Variants in SYT17 observed in about 807,000 individuals in gnomAD.
The protein encoded by SYT17 is synaptotagmin-17.
SYT17 carries 22 observed loss-of-function variants against 46.7 expected under a neutral mutation model. The ratio of observed to expected loss-of-function variants is 0.47; its 90% CI spans 0.34 to 0.67. The LOEUF (loss-of-function observed/expected upper bound fraction) is 0.67, where lower values mean the gene tolerates loss of function less well. Among genes scored for constraint, SYT17 ranks in the 30% least tolerant of loss-of-function variants. The probability of loss-of-function intolerance (pLI) is 0.01; values close to 1 mark genes in which losing one functional copy is unlikely to be tolerated. For synonymous variants in SYT17, 251 were observed against 248.4 expected (o/e 1.01, Z -0.10); for missense variants, 519 against 612.8 (o/e 0.85, Z 1.62).
chr16:19,211,878 A>C (rs899083096), intron 5 of SYT17, among the ~76,000 whole-genome samples: 3 of 152,044 alleles, frequency 2.0e-5, no homozygotes, highest in Non-Finnish European at 4.4e-5. Flanking sequence ...CGCCCGCCTC[A>C]GCCTCCCAAA....
At chr16:19,232,929 G>C (rs762553351) in intron 7 of SYT17, among the ~76,000 whole-genome samples, 63 of 152,272 alleles carry the variant, frequency 4.1e-4, no homozygotes, top group Non-Finnish European at 8.1e-4. Context: ...CTGTACGTTA[G>C]TATTACTCAG....
intron 5 of SYT17, among the ~76,000 whole-genome samples, chr16:19,185,494 G>A (rs1964749147): frequency 6.6e-6 from 1 of 152,152 alleles, no homozygotes; most frequent in Admixed American, 6.5e-5. Flanking sequence ...GGAGGCTGAG[G>A]CAGGAGGATC....
At chr16:19,182,940 T>C (rs1964616471) in intron 4 of SYT17, among the ~76,000 whole-genome samples, 1 of 152,212 alleles carries the variant, frequency 6.6e-6, no homozygotes, top group Non-Finnish European at 1.5e-5. Flanking sequence ...TTGACTCTAT[T>C]TTACTGATGG....
At chr16:19,232,291 GTC>G (rs961699606) in intron 7 of SYT17, among the ~76,000 whole-genome samples, 2 of 152,172 alleles carry the variant, frequency 1.3e-5, no homozygotes, top group African/African-American at 4.8e-5. Context: ...AACCCTTGGT[GTC>G]TCTCTAAGAC....
intron 5 of SYT17, among the ~76,000 whole-genome samples, chr16:19,189,362 A>G (rs1222387218): frequency 8.2e-5 from 11 of 134,810 alleles, no homozygotes; most frequent in African/African-American, 3.2e-4. Flanking sequence ...TTTTTCTGAG[A>G]CAGGGTCTTG....
chr16:19,229,647 T>A (rs1966611963), intron 7 of SYT17, among the ~76,000 whole-genome samples: 1 of 152,208 alleles, frequency 6.6e-6, no homozygotes, highest in Admixed American at 6.5e-5. Flanking sequence ...TGCAGCTTGA[T>A]GGCAAATCTT....
intron 7 of SYT17, among the ~76,000 whole-genome samples, chr16:19,245,701 A>G (rs1266078495): frequency 6.6e-6 from 1 of 152,148 alleles, no homozygotes. Flanking sequence ...ACGTAGGCAA[A>G]CAGAAATACC....
chr16:19,180,575 G>T, intron 4 of SYT17, 36 bp downstream of exon 4: 2 of 1,611,196 alleles, frequency 1.2e-6, no homozygotes, highest in Non-Finnish European at 1.7e-6. Flanking sequence ...GGGGGCCCTG[G>T]CTGGCTTTCC....
At chr16:19,220,303 C>CTTTTTTTTTTTT (rs1555459738) in intron 5 of SYT17, among the ~76,000 whole-genome samples, 76 of 80,494 alleles carry the variant, frequency 9.4e-4, no homozygotes, top group African/African-American at 2.0e-3. Context: ...TTCTTTCTTT[C>CTTTTTTTTTTTT]TTTTTTTTTT....
intron 7 of SYT17, among the ~76,000 whole-genome samples, chr16:19,231,038 C>G (rs1282542677): frequency 1.3e-5 from 2 of 152,160 alleles, no homozygotes; most frequent in Admixed American, 1.3e-4. Context: ...TACATAGAGT[C>G]TGAGATTCTG....
rs568046219 is a variant in SYT17 at position 19,208,778 on chromosome 16, G to A, written c.952-14267G>A. On this transcript the variant is annotated intron_variant, in intron 5 of 7. Transcript: ENST00000355377. The stretch of plus-strand genomic sequence containing the variant: ...CATCTTCACGTGGTATTCTCCCTGT[G>A]TGCATGTCTAAATGTCCTCTTTTCA... Among the ~76,000 whole-genome samples, 6 of 150,756 alleles carry A rather than the reference G, an allele frequency of 4.0e-5. No homozygotes were observed. In the South Asian group the frequency reaches 1.3e-3, roughly 32 times the overall value.
In SYT17 at chr16:19,183,935, G is replaced by A; in HGVS notation, c.739G>A (p.Val247Ile). The part of the protein sequence containing the change: ...PDQKNSKQTG[V>I]KRKTQKPVFE... ...CCAGAAGAACTCAAAGCAGACCGGGGTCAAACGCAAGACCCAGAAGCCCGT... is the reference window on the plus strand; with the variant it reads ...CCAGAAGAACTCAAAGCAGACCGGGATCAAACGCAAGACCCAGAAGCCCGT... Residue 247 changes from valine (V) to isoleucine (I), a missense_variant, in exon 5 of 8, where the codon GTC (valine) becomes ATC (isoleucine). Val to Ile is a conservative substitution (Grantham distance 29). Transcript: ENST00000355377. The surrounding 1 kb of genome is among the most constrained non-coding windows in gnomAD (Gnocchi z 5.6). 1.2e-6 allele frequency: 2 copies of A among 1,614,214 alleles called. No homozygotes were observed. Among genetic ancestry groups the A allele is most frequent in the Non-Finnish European group, 1.7e-6 (2 of 1,180,052 alleles).
In SYT17 at chr16:19,168,370, G is replaced by A. The variant is rs1328307483; in HGVS notation, c.-277G>A. 1 of 536,152 alleles carries A rather than the reference G, an allele frequency of 1.9e-6. No individual in the cohort carries two copies. The highest frequency in any genetic ancestry group is 3.3e-6 in the Non-Finnish European group (1 of 304,820). 33.2% of individuals were successfully genotyped at this position (536,152 alleles called of 1,614,324 possible). On this transcript the variant is annotated 5_prime_UTR_variant, in exon 1 of 8. Transcript: ENST00000355377. The surrounding 1 kb of genome is among the most constrained non-coding windows in gnomAD (Gnocchi z 6.9). ...GGGAGCGCCTCGGTGGGGAGCACGG[G>A]ACAGCGAGGGAGGCCGAGGCGGGGG...
chr16:19,242,164 G>T (rs887751005), intron 7 of SYT17, among the ~76,000 whole-genome samples: 2 of 152,020 alleles, frequency 1.3e-5, no homozygotes, highest in African/African-American at 4.8e-5. Context: ...AAGAAACACA[G>T]AAAAACAGAA....
At chr16:19,201,303 A>G (rs1242481635) in intron 5 of SYT17, among the ~76,000 whole-genome samples, 1 of 152,104 alleles carries the variant, frequency 6.6e-6, no homozygotes. Flanking sequence ...TTCATGGGGG[A>G]CAGGGGAAGA....
chr16:19,232,568 C>T (rs2142913970), intron 7 of SYT17, among the ~76,000 whole-genome samples: 1 of 152,258 alleles, frequency 6.6e-6, no homozygotes, highest in Non-Finnish European at 1.5e-5. Context: ...CGGTGGCTCA[C>T]ACCTCTAATC....
In SYT17 at chr16:19,168,607, G is replaced by C; in HGVS notation, c.-40G>C. 6.5e-7 allele frequency: 1 copy of C among 1,541,822 alleles called. No individual in the cohort carries two copies. Among genetic ancestry groups the C allele is most frequent in the Non-Finnish European group, 8.8e-7 (1 of 1,142,252 alleles). ...TTGGCGAGGGCAAAGTGGCCGTGGC[G>C]GCGCCATGCCCGGGCCGGAGTGAGT... On this transcript the variant is annotated 5_prime_UTR_variant, in exon 1 of 8. Transcript: ENST00000355377. The surrounding 1 kb of genome is among the most constrained non-coding windows in gnomAD (Gnocchi z 6.9).
At chr16:19,241,415 G>A (rs1162675152) in intron 7 of SYT17, among the ~76,000 whole-genome samples, 1 of 152,040 alleles carries the variant, frequency 6.6e-6, no homozygotes, top group African/African-American at 2.4e-5. Flanking sequence ...CTAGGTGGCT[G>A]CAGCTGCACC....
intron 4 of SYT17, among the ~76,000 whole-genome samples, chr16:19,181,604 T>C (rs1274880434): frequency 6.6e-6 from 1 of 151,852 alleles, no homozygotes; most frequent in Admixed American, 6.6e-5. Flanking sequence ...TAACAATCAC[T>C]AGACACACGT....
Sources: gnomAD v4.1 joint callset for allele counts (sites outside exome capture counted in the v4.1 genomes callset) on GRCh38, gnomAD v4.1.1 for gene constraint, Gnocchi (gnomAD v3.1) non-coding constraint, MANE v1.5 for transcripts, NCBI Gene and HGNC (gene_info 2026-07-23, HGNC 2026-07-21) for gene names.